CDH13: variants seen among roughly 807,000 people sequenced by gnomAD.
CDH13 encodes cadherin 13.
A neutral mutation model predicts 63.8 loss-of-function variants in CDH13; 24 were observed. The ratio of observed to expected loss-of-function variants is 0.38; its 90% CI spans 0.27 to 0.53. The LOEUF (loss-of-function observed/expected upper bound fraction) is 0.53, where lower values mean the gene tolerates loss of function less well. Ranked by LOEUF, CDH13 falls within the 20% of genes least tolerant of loss-of-function variation. CDH13 has a pLI of 0.85. For synonymous variants in CDH13, 503 were observed against 355.3 expected (o/e 1.42, Z -4.67); for missense variants, 1,049 against 903.1 (o/e 1.16, Z -2.07).
chr16:83,418,751 C>T (rs965590241), intron 6 of CDH13, among the ~76,000 whole-genome samples: 1 of 152,114 alleles, frequency 6.6e-6, no homozygotes, highest in African/African-American at 2.4e-5. Flanking sequence ...TGTCAAGGCT[C>T]TTTTAAGTGT....
At chr16:82,846,112 G>T (rs994380949) in intron 1 of CDH13, among the ~76,000 whole-genome samples, 2 of 152,114 alleles carry the variant, frequency 1.3e-5, no homozygotes, top group Admixed American at 1.3e-4. Flanking sequence ...CTGCCAAATG[G>T]CTCCCTGTTT....
At chr16:83,390,411 A>G (rs952909044) in intron 6 of CDH13, among the ~76,000 whole-genome samples, 1 of 152,010 alleles carries the variant, frequency 6.6e-6, no homozygotes, top group Non-Finnish European at 1.5e-5. Flanking sequence ...GGAGCAGTAG[A>G]TCTTAACCTT....
chr16:83,003,514 A>T (rs977790303), intron 2 of CDH13, among the ~76,000 whole-genome samples: 4 of 152,226 alleles, frequency 2.6e-5, no homozygotes, highest in Admixed American at 2.0e-4. Flanking sequence ...TGATGCAGCT[A>T]CTGAGCAAGG....
At chr16:83,277,885 A>C (rs2089042235) in intron 5 of CDH13, among the ~76,000 whole-genome samples, 1 of 152,216 alleles carries the variant, frequency 6.6e-6, no homozygotes, top group South Asian at 2.1e-4. Context: ...AAAATTTGAG[A>C]AGTTTGTTTG....
intron 5 of CDH13, among the ~76,000 whole-genome samples, chr16:83,221,591 A>C (rs757609744): frequency 5.4e-5 from 8 of 148,314 alleles, no homozygotes; most frequent in Non-Finnish European, 1.2e-4. Flanking sequence ...CTGGCTGCAA[A>C]TTTGCCAATA....
rs77102415 is a variant in CDH13, at chr16:83,207,414, C to T, written c.484-9931C>T. Among the ~76,000 whole-genome samples, 178 of 152,338 alleles carry T rather than the reference C, an allele frequency of 1.2e-3. 1 individual carries two copies. The East Asian group carries it at 0.034, about 29-fold the overall frequency. ...TGTGTTGCAATAGGTATCAGCATCT[C>T]CTTCCTTTTAAAGTCTAAATAGTAT... On this transcript the variant is annotated intron_variant, in intron 4 of 13. Transcript: ENST00000567109.
chr16:83,627,825 A>C (rs1486020478), intron 8 of CDH13, among the ~76,000 whole-genome samples: 1 of 152,212 alleles, frequency 6.6e-6, no homozygotes, highest in Non-Finnish European at 1.5e-5. Context: ...CAATGAATAC[A>C]AGTATGGCTA....
intron 3 of CDH13, among the ~76,000 whole-genome samples, chr16:83,060,774 G>T (rs550452206): frequency 6.6e-6 from 1 of 152,140 alleles, no homozygotes; most frequent in Admixed American, 6.5e-5. Flanking sequence ...GTCTTATTCT[G>T]TACCTATTGT....
At chr16:83,122,878 A>G (rs1443824115) in intron 3 of CDH13, among the ~76,000 whole-genome samples, 2 of 152,064 alleles carry the variant, frequency 1.3e-5, no homozygotes, top group African/African-American at 2.4e-5. Flanking sequence ...CCATCACCCA[A>G]AGAGTGAACG....
intron 1 of CDH13, among the ~76,000 whole-genome samples, chr16:82,822,437 T>G (rs948699221): frequency 2.0e-5 from 3 of 152,228 alleles, no homozygotes; most frequent in African/African-American, 4.8e-5. Context: ...ACAAATTTAC[T>G]TTTTTAAAAA....
chr16:83,153,376 T>A (rs2037072354), intron 4 of CDH13, among the ~76,000 whole-genome samples: 1 of 152,046 alleles, frequency 6.6e-6, no homozygotes. Flanking sequence ...CCTCAAACAA[T>A]GACCTTAGGA....
intron 7 of CDH13, among the ~76,000 whole-genome samples, chr16:83,580,255 A>G (rs1000704343): frequency 6.6e-6 from 1 of 152,134 alleles, no homozygotes; most frequent in South Asian, 2.1e-4. Flanking sequence ...AGGTGATGCT[A>G]TGGAACCACT....
intron 4 of CDH13, among the ~76,000 whole-genome samples, chr16:83,191,957 T>A (rs2151756265): frequency 6.6e-6 from 1 of 152,230 alleles, no homozygotes; most frequent in Middle Eastern, 3.4e-3. Flanking sequence ...AGGCTCAGTA[T>A]TAACCAACTC....
Position 83,796,583 on chromosome 16 carries a change from A to C in CDH13, c.*1553A>C, listed in dbSNP as rs1027901479. The C allele has an allele frequency of 2.0e-5, 3 of 152,140 alleles. No homozygotes were observed. Among genetic ancestry groups the C allele is most frequent in the Non-Finnish European group, 4.4e-5 (3 of 68,028 alleles). The allele number at this position is 152,140 out of a possible 1,614,324, so 9.4% of individuals were successfully genotyped here. A position where few individuals can be genotyped will look rare whatever the true frequency, so the allele number is the denominator to read the frequency against. On this transcript the variant is annotated 3_prime_UTR_variant, in exon 14 of 14. Coordinates refer to ENST00000567109, the MANE Select transcript of CDH13 (RefSeq NM_001257.5). The stretch of plus-strand genomic sequence containing the variant: ...TTTTTTTCCATTAAAATAAATGGGT[A>C]TTGGTGGTTAAAACTGCTGGACAGT...
chr16:83,461,647 C>T lies in CDH13; in HGVS notation c.782-24830C>T, dbSNP rs528999662. Among the ~76,000 whole-genome samples, 4 of 152,308 alleles carry T rather than the reference C, an allele frequency of 2.6e-5. No homozygotes were observed. The South Asian group carries it at 8.3e-4, about 32-fold the overall frequency. On this transcript the variant is annotated intron_variant, in intron 6 of 13. Coordinates refer to ENST00000567109, the MANE Select transcript of CDH13 (RefSeq NM_001257.5). ...TTCCACTCTAGGAAGAGTGATCATC[C>T]TGCAACAGCTAGCATGCATCAAGGT...
At chr16:83,274,706 G>T (rs1369449045) in intron 5 of CDH13, among the ~76,000 whole-genome samples, 1 of 151,794 alleles carries the variant, frequency 6.6e-6, no homozygotes, top group Non-Finnish European at 1.5e-5. Flanking sequence ...TACTGCAATG[G>T]TTCTCAAACA....
chr16:83,257,977 G>C (rs1226507830), intron 5 of CDH13, among the ~76,000 whole-genome samples: 1 of 152,102 alleles, frequency 6.6e-6, no homozygotes, highest in Non-Finnish European at 1.5e-5. Flanking sequence ...GGTGTGAGAT[G>C]GTATCTCAAT....
chr16:82,877,808 TTA>T lies in CDH13; in HGVS notation c.157+19336_157+19337del, dbSNP rs201148656. 2.3e-3 allele frequency among the ~76,000 whole-genome samples: 313 copies of T among 137,802 alleles called. 2 individuals are homozygous for T. The highest frequency in any genetic ancestry group is 7.1e-3 in the Middle Eastern group (2 of 280). The allele number at this position is 137,802 out of a possible 152,430, so 90.4% of individuals were successfully genotyped here. ...GCCACCTCTATTCATTTTTTTTTTTTTAAATTTCCAGTAGCCAGTGTAACCTG... is the reference window on the plus strand; with the variant it reads ...GCCACCTCTATTCATTTTTTTTTTTTAATTTCCAGTAGCCAGTGTAACCTG... On this transcript the variant is annotated intron_variant, in intron 2 of 13. Transcript: ENST00000567109.
chr16:83,777,514 A>T (rs1224239216), intron 11 of CDH13, among the ~76,000 whole-genome samples: 1 of 152,240 alleles, frequency 6.6e-6, no homozygotes, highest in Non-Finnish European at 1.5e-5. Context: ...CCCTCTCAGG[A>T]CACAGCTGCT....
Sources: allele counts gnomAD v4.1 joint callset (sites outside exome capture counted in the v4.1 genomes callset), GRCh38; gene constraint gnomAD v4.1.1; transcripts MANE v1.5; gene names NCBI Gene and HGNC (gene_info 2026-07-23, HGNC 2026-07-21).